TGFBRAP1: variants seen among roughly 807,000 people sequenced by gnomAD.
TGFBRAP1 encodes transforming growth factor beta receptor associated protein 1.
In TGFBRAP1, 20 loss-of-function variants were observed where a neutral mutation model predicts 83.2. The ratio of observed to expected loss-of-function variants is 0.24; its 90% CI spans 0.17 to 0.35. The LOEUF is 0.35. Ranked by LOEUF, TGFBRAP1 falls within the 10% of genes least tolerant of loss-of-function variation. The pLI, the probability that TGFBRAP1 is intolerant of heterozygous loss-of-function variation, is 1.00. For missense variants in TGFBRAP1, 950 were observed against 1,099.4 expected (o/e 0.86, Z 1.92); for synonymous variants, 415 against 459.8 (o/e 0.90, Z 1.25).
chr2:105,278,634 C>A (rs1677429585), intron 6 of TGFBRAP1, among the ~76,000 whole-genome samples: 1 of 152,170 alleles, frequency 6.6e-6, no homozygotes, highest in Non-Finnish European at 1.5e-5. Context: ...GGGCAGTGAG[C>A]CCTCAGCACC....
chr2:105,312,547 T>C (rs1369575830), intron 1 of TGFBRAP1, among the ~76,000 whole-genome samples: 1 of 151,750 alleles, frequency 6.6e-6, no homozygotes, highest in Non-Finnish European at 1.5e-5. Flanking sequence ...TTCCTAAGAG[T>C]CTCCCCGTCC....
At chr2:105,296,563 A>G (rs1678096825) in intron 3 of TGFBRAP1, 53 bp from the exon 4 acceptor site, 3 of 1,573,042 alleles carry the variant, frequency 1.9e-6, no homozygotes, top group Non-Finnish European at 2.6e-6. Context: ...TGCCTGCAAA[A>G]AAACACACTG....
downstream of TGFBRAP1, among the ~76,000 whole-genome samples, chr2:105,262,980 T>A (rs976353483): frequency 1.3e-5 from 2 of 152,218 alleles, no homozygotes; most frequent in Non-Finnish European, 2.9e-5. Context: ...ACAGATCTGC[T>A]AAGAGCAAAT....
chr2:105,314,252 T>C (rs1178640278), intron 1 of TGFBRAP1, among the ~76,000 whole-genome samples: 1 of 143,662 alleles, frequency 7.0e-6, no homozygotes, highest in African/African-American at 2.7e-5. Flanking sequence ...ACTTTCTCTT[T>C]TTTTTTTTTT....
At chr2:105,318,335 G>A (rs1678949078) in intron 1 of TGFBRAP1, among the ~76,000 whole-genome samples, 1 of 152,198 alleles carries the variant, frequency 6.6e-6, no homozygotes, top group South Asian at 2.1e-4. Flanking sequence ...CTGGGTATGG[G>A]TGTGCATGAG....
intron 4 of TGFBRAP1, among the ~76,000 whole-genome samples, chr2:105,293,515 G>A (rs1344382293): frequency 1.3e-5 from 2 of 152,180 alleles, no homozygotes; most frequent in East Asian, 3.9e-4. Context: ...GTGCAATGGT[G>A]AAGAAGTCTA....
intron 5 of TGFBRAP1, among the ~76,000 whole-genome samples, chr2:105,282,881 G>A (rs1407375237): frequency 1.2e-4 from 18 of 151,224 alleles, no homozygotes; most frequent in Admixed American, 1.1e-3. Context: ...GACCAAAGAC[G>A]AGCAGCAATT....
chr2:105,286,175 G>T (rs540302940), intron 4 of TGFBRAP1, among the ~76,000 whole-genome samples: 3 of 152,202 alleles, frequency 2.0e-5, no homozygotes, highest in Admixed American at 1.3e-4. Flanking sequence ...AGAATAAGGG[G>T]TTATTTTCTA....
Position 105,294,538 on chromosome 2 carries a change from C to T in TGFBRAP1, c.1038+1818G>A, listed in dbSNP as rs901561768. Among the ~76,000 whole-genome samples, 15 of 152,276 alleles carry T rather than the reference C, an allele frequency of 9.9e-5. No homozygotes were observed. The East Asian group carries it at 2.5e-3, about 25-fold the overall frequency. ...TGTTAAAAACGTGGGCAAAAGTGAGCATGGTCTGAATACCAGCAGTAACAG... is the reference window on the plus strand; with the variant it reads ...TGTTAAAAACGTGGGCAAAAGTGAGTATGGTCTGAATACCAGCAGTAACAG... On this transcript the variant is annotated intron_variant, in intron 4 of 11. Coordinates refer to ENST00000393359, the MANE Select transcript of TGFBRAP1 (RefSeq NM_004257.6).
the TGFBRAP1 span, among the ~76,000 whole-genome samples, chr2:105,253,654 G>A: frequency 6.6e-6 from 1 of 151,928 alleles, no homozygotes; most frequent in Non-Finnish European, 1.5e-5. Context: ...AGGCTCATCT[G>A]GAACTCCTCG....
intron 2 of TGFBRAP1, among the ~76,000 whole-genome samples, chr2:105,305,861 G>T (rs1454540426): frequency 1.3e-5 from 2 of 151,838 alleles, no homozygotes; most frequent in African/African-American, 4.8e-5. Context: ...TCACCTTTTG[G>T]CCAGGCTGGT....
intron 4 of TGFBRAP1, among the ~76,000 whole-genome samples, chr2:105,288,343 T>C (rs1305565912): frequency 6.6e-6 from 1 of 152,194 alleles, no homozygotes; most frequent in Non-Finnish European, 1.5e-5. Context: ...CTCCCCTTCC[T>C]GAGCTCTCGG....
intron 3 of TGFBRAP1, among the ~76,000 whole-genome samples, chr2:105,298,211 T>C (rs1678147952): frequency 6.6e-6 from 1 of 152,122 alleles, no homozygotes; most frequent in Admixed American, 6.5e-5. Flanking sequence ...TCCTTAAAGG[T>C]TTGGCTAAAA....
intron 1 of TGFBRAP1, among the ~76,000 whole-genome samples, chr2:105,313,491 C>G (rs906724228): frequency 2.0e-5 from 3 of 152,080 alleles, no homozygotes; most frequent in Non-Finnish European, 4.4e-5. Flanking sequence ...ACTTAGGAAC[C>G]ACCTAATTCC....
At chr2:105,257,180 T>G in the TGFBRAP1 span, among the ~76,000 whole-genome samples, 4 of 152,224 alleles carry the variant, frequency 2.6e-5, no homozygotes, top group African/African-American at 9.7e-5. Context: ...TTATTTCTTG[T>G]GCGAGATCCA....
chr2:105,306,713 C>T (rs1454476439), intron 2 of TGFBRAP1, among the ~76,000 whole-genome samples: 9 of 152,020 alleles, frequency 5.9e-5, no homozygotes, highest in Non-Finnish European at 1.3e-4. Flanking sequence ...CAGGGAGAAT[C>T]GCTTGAACCT....
intron 3 of TGFBRAP1, among the ~76,000 whole-genome samples, chr2:105,298,266 C>A (rs761824479): frequency 1.3e-5 from 2 of 152,174 alleles, no homozygotes; most frequent in Non-Finnish European, 2.9e-5. Flanking sequence ...CTAGGAAATA[C>A]TTTCTCCTCT....
At chr2:105,278,461 A>G (rs1677423074) in intron 6 of TGFBRAP1, among the ~76,000 whole-genome samples, 1 of 152,188 alleles carries the variant, frequency 6.6e-6, no homozygotes, top group South Asian at 2.1e-4. Flanking sequence ...CCACAGAGTC[A>G]GGGAGCGTCC....
intron 10 of TGFBRAP1, among the ~76,000 whole-genome samples, chr2:105,271,922 G>A (rs185127719): frequency 3.9e-5 from 6 of 152,176 alleles, no homozygotes; most frequent in East Asian, 3.9e-4. Flanking sequence ...TCCTTTTCAC[G>A]GGCTATTTAT....
Sources: gnomAD v4.1 joint callset for allele counts (sites outside exome capture counted in the v4.1 genomes callset) on GRCh38, gnomAD v4.1.1 for gene constraint, MANE v1.5 for transcripts, NCBI Gene and HGNC (gene_info 2026-07-23, HGNC 2026-07-21) for gene names.